SLC22A23: variants seen among roughly 807,000 people sequenced by gnomAD.
The protein encoded by SLC22A23 is ion transporter protein.
SLC22A23 carries 26 observed loss-of-function variants against 61.0 expected under a neutral mutation model. The observed-to-expected ratio is 0.43, with a 90% confidence interval of 0.31 to 0.59. The LOEUF is 0.59. Ranked by LOEUF, SLC22A23 falls within the 20% of genes least tolerant of loss-of-function variation. The pLI is 0.11. For missense variants in SLC22A23, 796 were observed against 934.7 expected (o/e 0.85, Z 1.94); for synonymous variants, 430 against 413.9 (o/e 1.04, Z -0.47).
chr6:3,290,932 A>C (rs890655976), intron 5 of SLC22A23: 11 of 152,330 alleles, frequency 7.2e-5, no homozygotes, highest in African/African-American at 2.7e-4. Context: ...AGAAACAAGA[A>C]AGACTGAGCA....
intron 4 of SLC22A23, among the ~76,000 whole-genome samples, chr6:3,320,724 TC>T (rs1762899243): frequency 6.6e-6 from 1 of 152,146 alleles, no homozygotes; most frequent in African/African-American, 2.4e-5. Context: ...AGTGGAGGCT[TC>T]CAAGGCTGGT....
Position 3,324,208 on chromosome 6 carries a change from T to TCAAGGCCA in SLC22A23, c.914-214_914-207dup. ...CTGGGAAGGGAAGTGAGACGGTTGT[T>TCAAGGCCA]CAAGGCCACAGGGCTAGTCGATGAC... is the stretch of plus-strand genomic sequence containing the variant. On this transcript the variant is annotated intron_variant, in intron 3 of 9. Coordinates refer to ENST00000406686, the MANE Select transcript of SLC22A23 (RefSeq NM_015482.2). The surrounding 1 kb of genome is among the most constrained non-coding windows in gnomAD (Gnocchi z 4.3). 1 of 604,086 alleles carries TCAAGGCCA rather than the reference T, an allele frequency of 1.7e-6. No homozygotes were observed. Among genetic ancestry groups the TCAAGGCCA allele is most frequent in the Non-Finnish European group, 2.9e-6 (1 of 343,816 alleles). The allele number at this position is 604,086 out of a possible 1,614,324, so 37.4% of individuals were successfully genotyped here.
chr6:3,429,886 A>G (rs931547015), intron 1 of SLC22A23, among the ~76,000 whole-genome samples: 1 of 152,148 alleles, frequency 6.6e-6, no homozygotes, highest in African/African-American at 2.4e-5. Flanking sequence ...GGGGGTTACC[A>G]GGGGCTGGGG....
intron 3 of SLC22A23, among the ~76,000 whole-genome samples, chr6:3,344,926 T>TCGA (rs1764338082): frequency 8.4e-6 from 1 of 119,366 alleles, no homozygotes; most frequent in African/African-American, 4.1e-5. Flanking sequence ...CTTCCTAGTC[T>TCGA]TGATGTTCAA....
At chr6:3,368,646 A>G (rs1765996083) in intron 3 of SLC22A23, among the ~76,000 whole-genome samples, 1 of 152,230 alleles carries the variant, frequency 6.6e-6, no homozygotes, top group Non-Finnish European at 1.5e-5. Context: ...ATTAAAACAA[A>G]TCCTCCAATG....
In SLC22A23 at chr6:3,272,562, A is replaced by G. The variant is rs967021734; in HGVS notation, c.*493T>C. 3 of 152,830 alleles carry G rather than the reference A, an allele frequency of 2.0e-5. No individual in the cohort carries two copies. The highest frequency in any genetic ancestry group is 1.3e-4 in the Admixed American group (2 of 15,286). The allele number at this position is 152,830 out of a possible 1,614,324, so 9.5% of individuals were successfully genotyped here. On this transcript the variant is annotated 3_prime_UTR_variant, in exon 10 of 10. Coordinates refer to ENST00000406686, the MANE Select transcript of SLC22A23 (RefSeq NM_015482.2). ...ACTCTAGCAAAAGCCAAATTCATGT[A>G]CATTTCACTCCGTCTAAAATGCAGT...
chr6:3,429,810 T>C (rs527553132), intron 1 of SLC22A23, among the ~76,000 whole-genome samples: 1 of 152,070 alleles, frequency 6.6e-6, no homozygotes, highest in Non-Finnish European at 1.5e-5. Flanking sequence ...AAAAGACAAA[T>C]ATGGTATGAT....
At chr6:3,431,027 T>C (rs148336850) in intron 1 of SLC22A23, among the ~76,000 whole-genome samples, 3,004 of 147,342 alleles carry the variant, frequency 0.02, 106 homozygotes, top group African/African-American at 0.07. Context: ...GATTGCATCA[T>C]TGCACTCCAG....
intron 3 of SLC22A23, among the ~76,000 whole-genome samples, chr6:3,368,158 C>A (rs1490816665): frequency 2.0e-5 from 3 of 152,162 alleles, no homozygotes; most frequent in Non-Finnish European, 4.4e-5. Flanking sequence ...ATCCTTGGTC[C>A]TACATGACAA....
chr6:3,359,544 G>A lies in SLC22A23; in HGVS notation c.914-35542C>T, dbSNP rs117243667. ...CTGTCAAACAAACAGGAAATAACAA[G>A]TGCTGACAAGAATGTGGGGAAACTG... On this transcript the variant is annotated intron_variant, in intron 3 of 9. Transcript: ENST00000406686. 2.8e-3 allele frequency among the ~76,000 whole-genome samples: 430 copies of A among 152,256 alleles called. 4 individuals carry two copies. The highest frequency in any genetic ancestry group is 0.023 in the Admixed American group (358 of 15,300).
chr6:3,278,820 G>A (rs747009499), intron 9 of SLC22A23, among the ~76,000 whole-genome samples: 2 of 152,228 alleles, frequency 1.3e-5, no homozygotes, highest in African/African-American at 4.8e-5. Context: ...AATGGGGACA[G>A]CATTTTCTCG....
rs1188541784 is a variant in SLC22A23 at position 3,271,623 on chromosome 6, C to A, written c.*1432G>T. ...ATGCTTCGAGAAGGGATGAGTTGGA[C>A]AATGCCAGTAAGAAGCCAGGCTGTC... On this transcript the variant is annotated 3_prime_UTR_variant, in exon 10 of 10. Transcript: ENST00000406686. 1 of 152,350 alleles carries A rather than the reference C, an allele frequency of 6.6e-6. No homozygotes were observed. Among genetic ancestry groups the A allele is most frequent in the Non-Finnish European group, 1.5e-5 (1 of 68,058 alleles). The allele number at this position is 152,350 out of a possible 1,614,324, so 9.4% of individuals were successfully genotyped here. A position where few individuals can be genotyped will look rare whatever the true frequency, so the allele number is the denominator to read the frequency against.
intron 6 of SLC22A23, among the ~76,000 whole-genome samples, chr6:3,288,179 T>C (rs1232601298): frequency 6.6e-6 from 1 of 152,160 alleles, no homozygotes; most frequent in East Asian, 1.9e-4. Flanking sequence ...TCAGGAACCT[T>C]TGGGGTGTAC....
chr6:3,325,647 G>T (rs1763235704), intron 3 of SLC22A23, among the ~76,000 whole-genome samples: 1 of 152,184 alleles, frequency 6.6e-6, no homozygotes, highest in Admixed American at 6.5e-5. Flanking sequence ...TCCAGATCTG[G>T]CATTTCTGCT....
intron 2 of SLC22A23, among the ~76,000 whole-genome samples, chr6:3,412,093 C>A (rs540956895): frequency 6.6e-6 from 1 of 152,270 alleles, no homozygotes; most frequent in Admixed American, 6.5e-5. Flanking sequence ...AGATGCAACG[C>A]CTGGCGCAGA....
At chr6:3,280,551 A>C (rs1278141929) in intron 9 of SLC22A23, among the ~76,000 whole-genome samples, 1 of 132,350 alleles carries the variant, frequency 7.6e-6, no homozygotes, top group Non-Finnish European at 1.5e-5. Flanking sequence ...GCTGGAGTGC[A>C]GTGGCGCGAT....
chr6:3,295,076 C>T (rs374430961), intron 5 of SLC22A23, among the ~76,000 whole-genome samples: 1 of 122,838 alleles, frequency 8.1e-6, no homozygotes, highest in African/African-American at 3.2e-5. Context: ...TGCTACGCGT[C>T]GCGTCAGGCC....
chr6:3,405,357 A>C (rs534009858), intron 3 of SLC22A23, among the ~76,000 whole-genome samples: 1 of 152,296 alleles, frequency 6.6e-6, no homozygotes, highest in Non-Finnish European at 1.5e-5. Flanking sequence ...TGGTCCCACC[A>C]GGAGAAGGGC....
chr6:3,269,950 A>G lies in SLC22A23; in HGVS notation c.*3105T>C, dbSNP rs551048106. The G allele has an allele frequency of 6.5e-6, 1 of 152,950 alleles. No individual in the cohort carries two copies. Among genetic ancestry groups the G allele is most frequent in the Non-Finnish European group, 1.5e-5 (1 of 68,044 alleles). The allele number at this position is 152,950 out of a possible 1,614,324, so 9.5% of individuals were successfully genotyped here. On this transcript the variant is annotated 3_prime_UTR_variant, in exon 10 of 10. Coordinates refer to ENST00000406686, the MANE Select transcript of SLC22A23 (RefSeq NM_015482.2). Reference sequence around the variant, plus strand: ...TGTTCTGTAGCCAAACCAATTTACCAGCCCGTCTTCCAGATGCAGGTGATC... The same window carrying G: ...TGTTCTGTAGCCAAACCAATTTACCGGCCCGTCTTCCAGATGCAGGTGATC...
Sources: gnomAD v4.1 joint callset for allele counts (sites outside exome capture counted in the v4.1 genomes callset) on GRCh38, gnomAD v4.1.1 for gene constraint, Gnocchi (gnomAD v3.1) non-coding constraint, MANE v1.5 for transcripts, NCBI Gene and HGNC (gene_info 2026-07-23, HGNC 2026-07-21) for gene names.